Variants in CC2D2A observed in about 807,000 individuals in gnomAD.
The protein encoded by CC2D2A is coiled-coil and C2 domain containing 2A.
Under a neutral mutation model 212.9 loss-of-function variants are expected in CC2D2A, and 155 were observed. The observed-to-expected ratio is 0.73, with a 90% CI of 0.64 to 0.83. The LOEUF (loss-of-function observed/expected upper bound fraction) is 0.83, where lower values mean the gene tolerates loss of function less well. Ranked by LOEUF, CC2D2A falls within the 40% of genes least tolerant of loss-of-function variation. The pLI is 0.00. For synonymous variants in CC2D2A, 667 were observed against 686.5 expected (o/e 0.97, Z 0.44); for missense variants, 1,856 against 1,956.2 (o/e 0.95, Z 0.97).
In CC2D2A at chr4:15,557,459, T is replaced by C. The variant is rs1719348756; in HGVS notation, c.2781T>C (p.Tyr927=). The part of the protein sequence containing the change: ...RSQEVPEFRN[Y]KQVPVYDREI... ...AAGAGGTGCCAGAATTCCGAAATTA[T>C]AAGCAAGTTCCAGTCTATGACCGAG... is the stretch of plus-strand genomic sequence containing the variant. Residue 927 remains tyrosine (Y), a synonymous_variant, in exon 21 of 37, where the codon TAT becomes TAC. Transcript: ENST00000424120. 6.2e-7 allele frequency: 1 copy of C among 1,612,596 alleles called. No homozygotes were observed. The highest frequency in any genetic ancestry group is 8.5e-7 in the Non-Finnish European group (1 of 1,179,344).
intron 11 of CC2D2A, among the ~76,000 whole-genome samples, chr4:15,517,111 C>A (rs1270677542): frequency 6.6e-6 from 1 of 151,898 alleles, no homozygotes; most frequent in Non-Finnish European, 1.5e-5. Flanking sequence ...CCTCGCCCGG[C>A]TAATTTTTTG....
intron 33 of CC2D2A, among the ~76,000 whole-genome samples, chr4:15,593,140 G>T (rs1721185171): frequency 6.6e-6 from 1 of 152,008 alleles, no homozygotes; most frequent in Admixed American, 6.5e-5. Context: ...TCACTTTCTG[G>T]CTCAGAAAGT....
intron 33 of CC2D2A, among the ~76,000 whole-genome samples, chr4:15,591,791 A>C (rs1466815194): frequency 2.0e-5 from 3 of 152,214 alleles, no homozygotes; most frequent in Non-Finnish European, 4.4e-5. Context: ...AGGCACTGAA[A>C]AAGCCTTCAA....
At chr4:15,554,264 T>A (rs1428038537) in intron 19 of CC2D2A, among the ~76,000 whole-genome samples, 1 of 152,212 alleles carries the variant, frequency 6.6e-6, no homozygotes, top group Non-Finnish European at 1.5e-5. Context: ...TAAAACACAA[T>A]GTGAGTAACA....
intron 1 of CC2D2A, among the ~76,000 whole-genome samples, chr4:15,473,709 CAA>C (rs1560385040): frequency 1.3e-5 from 2 of 152,088 alleles, no homozygotes; most frequent in Non-Finnish European, 2.9e-5. Flanking sequence ...CAGTAGATTT[CAA>C]GAGAGAAGAT....
chr4:15,485,310 C>G (rs931907659), intron 4 of CC2D2A, among the ~76,000 whole-genome samples: 7 of 152,214 alleles, frequency 4.6e-5, no homozygotes, highest in African/African-American at 1.7e-4. Flanking sequence ...TGCAAAATTT[C>G]ATTCTTTTTT....
intron 31 of CC2D2A, among the ~76,000 whole-genome samples, chr4:15,587,412 C>A (rs562586100): frequency 6.6e-6 from 1 of 152,318 alleles, no homozygotes; most frequent in East Asian, 1.9e-4. Context: ...TAAGTGTTAC[C>A]TTATTAATCT....
chr4:15,518,496 G>C (rs1208302198), intron 11 of CC2D2A, among the ~76,000 whole-genome samples: 1 of 152,150 alleles, frequency 6.6e-6, no homozygotes, highest in Non-Finnish European at 1.5e-5. Context: ...CTGGGGTCTG[G>C]AGGACAGTGG....
chr4:15,540,843 G>A lies in CC2D2A; in HGVS notation c.2010G>A (p.Glu670=), dbSNP rs763596840. 1 of 1,597,712 alleles carries A rather than the reference G, an allele frequency of 6.3e-7. No individual in the cohort carries two copies. The highest frequency in any genetic ancestry group is 8.5e-7 in the Non-Finnish European group (1 of 1,171,886). The change falls in exon 17 of 37, where the codon GAG becomes GAA. Residue 670 remains glutamate (E), a synonymous_variant. Transcript: ENST00000424120. ...GAATGGTCTCCTTTTGCAGAGCGGAGGTCTCGAGAAGGGAGGATGTAAAGA... is the reference window on the plus strand; with the variant it reads ...GAATGGTCTCCTTTTGCAGAGCGGAAGTCTCGAGAAGGGAGGATGTAAAGA... ...VTPNDQCPRA[E]VSRREDVKKR...
At chr4:15,511,964 A>C (rs991901723) in intron 8 of CC2D2A, among the ~76,000 whole-genome samples, 2 of 152,254 alleles carry the variant, frequency 1.3e-5, no homozygotes, top group African/African-American at 4.8e-5. Flanking sequence ...TAAGCCCATA[A>C]AAAGATTCTT....
At chr4:15,543,904 A>G (rs775684498) in intron 17 of CC2D2A, 5 of 152,220 alleles carry the variant, frequency 3.3e-5, no homozygotes, top group Non-Finnish European at 5.9e-5. Context: ...TCACAACTGG[A>G]AGACCATTCA....
rs755902535 is a variant in CC2D2A at position 15,586,215 on chromosome 4, G to A, written c.4034G>A (p.Gly1345Asp). The change falls in exon 31 of 37, where the codon GGT becomes GAT. Residue 1345 changes from glycine to aspartate, a missense_variant. Transcript: ENST00000424120. Reference sequence around the variant, plus strand: ...TTCTTGCCTGACACTGTCTCATTTGGTGGTATCTGTGACCTCTGGAGCACA... The same window carrying A: ...TTCTTGCCTGACACTGTCTCATTTGATGGTATCTGTGACCTCTGGAGCACA... ...IPFLPDTVSFGGICDLWSTSD... is the reference protein window; with the variant it reads ...IPFLPDTVSFDGICDLWSTSD... 1 of 1,607,974 alleles carries A rather than the reference G, an allele frequency of 6.2e-7. No individual in the cohort carries two copies. The highest frequency in any genetic ancestry group is 8.5e-7 in the Non-Finnish European group (1 of 1,176,146).
rs538974192 is a variant in CC2D2A, at chr4:15,598,711, G to A, written c.4497-818G>A. On this transcript the variant is annotated intron_variant, in intron 35 of 36. Transcript: ENST00000424120. ...ATTTAGAAAAAAATTAATCATCATG[G>A]ATAGAATTCACTATTCATGATGTGA... is the stretch of plus-strand genomic sequence containing the variant. 9.9e-5 allele frequency among the ~76,000 whole-genome samples: 15 copies of A among 152,244 alleles called. No individual in the cohort carries two copies. In the South Asian group the frequency reaches 3.1e-3, roughly 32 times the overall value.
At chr4:15,581,113 T>C (rs201001265) in intron 30 of CC2D2A, among the ~76,000 whole-genome samples, 1 of 152,210 alleles carries the variant, frequency 6.6e-6, no homozygotes, top group Non-Finnish European at 1.5e-5. Flanking sequence ...TAGGAAGTTA[T>C]TGCTACTAAT....
intron 6 of CC2D2A, among the ~76,000 whole-genome samples, chr4:15,508,800 T>C (rs140330077): frequency 6.6e-6 from 1 of 152,326 alleles, no homozygotes; most frequent in Non-Finnish European, 1.5e-5. Context: ...AGTTATTCCA[T>C]GCTGTGAAAT....
intron 29 of CC2D2A, chr4:15,576,373 G>A: frequency 2.0e-6 from 2 of 984,762 alleles, no homozygotes; most frequent in Non-Finnish European, 2.4e-6. Context: ...ATACTTCCTG[G>A]ATTAGCAGAT....
chr4:15,601,515 A>C lies in CC2D2A; in HGVS notation c.*90A>C. 1.3e-6 allele frequency: 1 copy of C among 758,112 alleles called. No homozygotes were observed. The highest frequency in any genetic ancestry group is 2.0e-6 in the Non-Finnish European group (1 of 501,196). 47.0% of individuals were successfully genotyped at this position (758,112 alleles called of 1,614,324 possible). On this transcript the variant is annotated 3_prime_UTR_variant, in exon 37 of 37. Transcript: ENST00000424120. ...TATATGCATCACATCAGAAGAACAT[A>C]TTATTGGCAAATAATAAAATTATCA...
In CC2D2A at chr4:15,478,577, C is replaced by T. The variant is rs569670449; in HGVS notation, c.40-146C>T. On this transcript the variant is annotated intron_variant, in intron 2 of 36. Coordinates refer to ENST00000424120, the MANE Select transcript of CC2D2A (RefSeq NM_001378615.1). ...GTTGAGAAGAGTGGATGATGAGAGC[C>T]GCACAGATTGTTAACTGTCCCCCAA... is the stretch of plus-strand genomic sequence containing the variant. 5.9e-5 allele frequency: 37 copies of T among 626,484 alleles called. No homozygotes were observed. The East Asian group carries it at 7.7e-4, about 13-fold the overall frequency. The allele number at this position is 626,484 out of a possible 1,614,324, so 38.8% of individuals were successfully genotyped here.
intron 32 of CC2D2A, 95 bp downstream of exon 32, chr4:15,588,024 C>T: frequency 1.5e-6 from 1 of 648,722 alleles, no homozygotes; most frequent in South Asian, 2.5e-5. Context: ...TCATAACGAT[C>T]CTTTGGGTTG....
Sources: gnomAD v4.1 joint callset for allele counts (sites outside exome capture counted in the v4.1 genomes callset) on GRCh38, gnomAD v4.1.1 for gene constraint, MANE v1.5 for transcripts, NCBI Gene and HGNC (gene_info 2026-07-23, HGNC 2026-07-21) for gene names.